The following TBCD variants were observed in gnomAD, a reference collection of about 807,000 sequenced individuals.
The protein encoded by TBCD is tubulin-specific chaperone D.
In TBCD, 105 loss-of-function variants were observed where a neutral mutation model predicts 169.3. The ratio of observed to expected loss-of-function variants is 0.62; its 90% CI spans 0.53 to 0.73. The LOEUF (loss-of-function observed/expected upper bound fraction) is 0.73. TBCD is among the 30% of genes least tolerant of loss of function. TBCD has a pLI of 0.00. For missense variants in TBCD, 1,444 were observed against 1,600.1 expected, an observed-to-expected ratio of 0.90 and a Z score of 1.66; for synonymous variants, 700 against 643.9, an observed-to-expected ratio of 1.09 and a Z score of -1.32.
At chr17:82,791,441 T>C (rs2144511062) in intron 7 of TBCD, among the ~76,000 whole-genome samples, 1 of 152,320 alleles carries the variant, frequency 6.6e-6, no homozygotes, top group Non-Finnish European at 1.5e-5. Context: ...TGGTTCACTT[T>C]TGCGAGCTTT....
rs2061888250 is a variant in TBCD, at chr17:82,927,897, C to T, written c.2610-8C>T. 3 of 1,613,148 alleles carry T rather than the reference C, an allele frequency of 1.9e-6. No individual in the cohort carries two copies. Among genetic ancestry groups the T allele is most frequent in the Non-Finnish European group, 2.5e-6 (3 of 1,179,400 alleles). On this transcript the variant is annotated splice_region_variant and splice_polypyrimidine_tract_variant and intron_variant, in intron 29 of 38. Transcript: ENST00000355528. ...GCTGGGTGTCTCTGCCTCTCCTTGT[C>T]CCATCAGGGTCCGCAAGGCCGCCAT... is the stretch of plus-strand genomic sequence containing the variant.
intron 22 of TBCD, among the ~76,000 whole-genome samples, chr17:82,910,457 G>A (rs139381935): frequency 0.027 from 4,110 of 152,242 alleles, 82 homozygotes; most frequent in Non-Finnish European, 0.044. Context: ...TTTATCGTCT[G>A]TCTTATTGAG....
Position 82,782,514 on chromosome 17 carries a change from A to G in TBCD, c.771+793A>G, listed in dbSNP as rs1012978615. On this transcript the variant is annotated intron_variant, in intron 7 of 38. Coordinates refer to ENST00000355528, the MANE Select transcript of TBCD (RefSeq NM_005993.5). This position sits in a 1 kb window ranked among gnomAD's most constrained non-coding sequence, Gnocchi z 5.1. Reference sequence around the variant, plus strand: ...GGGGCACTTTGTTCTTGTTTAAAAAATATATTTTATAGAGACAGGGTCTTG... The same window carrying G: ...GGGGCACTTTGTTCTTGTTTAAAAAGTATATTTTATAGAGACAGGGTCTTG... 4.6e-5 allele frequency among the ~76,000 whole-genome samples: 7 copies of G among 152,128 alleles called. No homozygotes were observed. The highest frequency in any genetic ancestry group is 6.5e-5 in the Admixed American group (1 of 15,278).
At chr17:82,937,894 C>T (rs778335889) in intron 35 of TBCD, 155 bp from the exon 36 acceptor site, 40 of 1,520,752 alleles carry the variant, frequency 2.6e-5, no homozygotes, top group East Asian at 4.9e-5. Context: ...TGCAGATGTA[C>T]GCACACACAC....
chr17:82,759,749 T>C (rs1375579740), intron 2 of TBCD, among the ~76,000 whole-genome samples: 4 of 152,230 alleles, frequency 2.6e-5, no homozygotes, highest in Non-Finnish European at 4.4e-5. Context: ...TTGGATGATT[T>C]AGTGGCCTCT....
chr17:82,830,232 A>G (rs1311002031), intron 13 of TBCD: 1 of 1,614,102 alleles, frequency 6.2e-7, no homozygotes. Flanking sequence ...ATTTTCCAGC[A>G]TCCCTTAGAC....
intron 10 of TBCD, among the ~76,000 whole-genome samples, chr17:82,807,144 T>TGAC (rs1235039865): frequency 1.3e-5 from 2 of 152,246 alleles, no homozygotes; most frequent in Non-Finnish European, 2.9e-5. Context: ...CCGTGTGACC[T>TGAC]GACCCCTCCC....
chr17:82,823,634 G>T (rs2052591837), intron 13 of TBCD, among the ~76,000 whole-genome samples: 1 of 151,432 alleles, frequency 6.6e-6, no homozygotes, highest in Non-Finnish European at 1.5e-5. Context: ...AAAGGGCGTT[G>T]TCGGCATCTT....
At chr17:82,936,399 G>C (rs958260492) in intron 34 of TBCD, among the ~76,000 whole-genome samples, 4 of 152,188 alleles carry the variant, frequency 2.6e-5, no homozygotes, top group African/African-American at 9.7e-5. Flanking sequence ...TTCCGTGCCC[G>C]GTGTTCATCC....
At chr17:82,906,703 C>T (rs1395857077) in intron 20 of TBCD, among the ~76,000 whole-genome samples, 1 of 152,210 alleles carries the variant, frequency 6.6e-6, no homozygotes, top group Non-Finnish European at 1.5e-5. Context: ...AAGTTCATGC[C>T]CTGTGCTGGA....
intron 6 of TBCD, among the ~76,000 whole-genome samples, chr17:82,779,070 G>A (rs2048781957): frequency 6.6e-6 from 1 of 151,538 alleles, no homozygotes; most frequent in Admixed American, 6.6e-5. Context: ...GGAGTGCAAT[G>A]GTGAGATCTC....
chr17:82,760,134 A>G (rs2047678207), intron 2 of TBCD, among the ~76,000 whole-genome samples: 2 of 151,698 alleles, frequency 1.3e-5, no homozygotes, highest in South Asian at 4.2e-4. Context: ...TTGGCCTCCC[A>G]AAGTGCTGGA....
chr17:82,865,955 A>G (rs944888745), intron 13 of TBCD, among the ~76,000 whole-genome samples: 2 of 152,212 alleles, frequency 1.3e-5, no homozygotes, highest in African/African-American at 4.8e-5. Flanking sequence ...GCCAAAAGGA[A>G]GCCTCCTGGG....
At chr17:82,932,289 C>T (rs757340134) in intron 33 of TBCD, 13 of 387,474 alleles carry the variant, frequency 3.4e-5, no homozygotes, top group Non-Finnish European at 6.3e-5. Flanking sequence ...GGCACCTTGA[C>T]GCCCAGCGGT....
Position 82,752,140 on chromosome 17 carries a change from C to A in TBCD, c.-54C>A. ...TTCATCCCTGGCTTTCGCGCTCTAG[C>A]GGAGTGGGATCTGCGAACACGTGAG... On this transcript the variant is annotated 5_prime_UTR_variant, in exon 1 of 39. Transcript: ENST00000355528. 2 of 1,453,108 alleles carry A rather than the reference C, an allele frequency of 1.4e-6. No individual in the cohort carries two copies. The highest frequency in any genetic ancestry group is 9.0e-7 in the Non-Finnish European group (1 of 1,105,356). 90.0% of individuals were successfully genotyped at this position (1,453,108 alleles called of 1,614,324 possible). A position where few individuals can be genotyped will look rare whatever the true frequency, so the allele number is the denominator to read the frequency against.
At chr17:82,849,525 T>C (rs1470698004) in intron 13 of TBCD, among the ~76,000 whole-genome samples, 2 of 152,250 alleles carry the variant, frequency 1.3e-5, no homozygotes, top group Non-Finnish European at 2.9e-5. Flanking sequence ...TGTTTTTTGA[T>C]GGTGTCTTTT....
At chr17:82,805,668 C>A (rs1024770885) in intron 9 of TBCD, among the ~76,000 whole-genome samples, 1 of 152,186 alleles carries the variant, frequency 6.6e-6, no homozygotes, top group East Asian at 1.9e-4. Flanking sequence ...GGACTCGGGG[C>A]GTGTTTTGTG....
At chr17:82,754,892 A>G (rs2047319786) in intron 1 of TBCD, among the ~76,000 whole-genome samples, 1 of 152,176 alleles carries the variant, frequency 6.6e-6, no homozygotes, top group Non-Finnish European at 1.5e-5. Flanking sequence ...TGTGGAAGGG[A>G]GCAGTGCCTG....
At chr17:82,891,986 C>T (rs2146419185) in intron 16 of TBCD, among the ~76,000 whole-genome samples, 1 of 152,296 alleles carries the variant, frequency 6.6e-6, no homozygotes, top group African/African-American at 2.4e-5. Flanking sequence ...AGGCCCCCGA[C>T]ACCATCAGGC....
Sources: allele counts gnomAD v4.1 joint callset (sites outside exome capture counted in the v4.1 genomes callset), GRCh38; gene constraint gnomAD v4.1.1; non-coding constraint Gnocchi (gnomAD v3.1); transcripts MANE v1.5; gene names NCBI Gene and HGNC (gene_info 2026-07-23, HGNC 2026-07-21).